PTPRD: variants seen among roughly 807,000 people sequenced by gnomAD.
PTPRD encodes the protein protein tyrosine phosphatase receptor type D, also known as receptor-type tyrosine-protein phosphatase delta.
Under a neutral mutation model 214.5 loss-of-function variants are expected in PTPRD, and 34 were observed. That is an observed-to-expected ratio of 0.16 (90% CI 0.12 to 0.21). The LOEUF is 0.21. PTPRD is among the 10% of genes least tolerant of loss of function. The pLI is 1.00. For synonymous variants in PTPRD, 1,128 were observed against 845.7 expected (o/e 1.33, Z -5.79); for missense variants, 2,545 against 2,398.7 (o/e 1.06, Z -1.27).
intron 5 of PTPRD, among the ~76,000 whole-genome samples, chr9:9,872,335 C>A (rs1382943641): frequency 2.0e-5 from 3 of 152,162 alleles, no homozygotes; most frequent in Non-Finnish European, 4.4e-5. Flanking sequence ...AATGGAGACT[C>A]ATGGCTGTAA....
chr9:8,543,438 T>C (rs779824520), intron 14 of PTPRD, among the ~76,000 whole-genome samples: 47 of 152,194 alleles, frequency 3.1e-4, no homozygotes, highest in Non-Finnish European at 3.1e-4. Flanking sequence ...TCAGTGATGA[T>C]GGCTATGAGG....
intron 8 of PTPRD, among the ~76,000 whole-genome samples, chr9:9,546,871 A>G (rs1252987502): frequency 6.6e-6 from 1 of 151,890 alleles, no homozygotes; most frequent in Non-Finnish European, 1.5e-5. Context: ...CTAAAAGAGC[A>G]TTAAAACCAC....
chr9:10,355,617 T>G (rs1177330211), intron 2 of PTPRD, among the ~76,000 whole-genome samples: 5 of 152,122 alleles, frequency 3.3e-5, no homozygotes, highest in African/African-American at 9.6e-5. Context: ...TAGCTGGGAT[T>G]ACAGGCATGC....
chr9:9,764,377 C>A (rs2098689309), intron 6 of PTPRD, among the ~76,000 whole-genome samples: 1 of 152,146 alleles, frequency 6.6e-6, no homozygotes, highest in Non-Finnish European at 1.5e-5. Flanking sequence ...ACACACAAAT[C>A]TTTAAAAAAT....
intron 33 of PTPRD, among the ~76,000 whole-genome samples, chr9:8,458,230 A>G (rs117668710): frequency 0.021 from 3,252 of 152,238 alleles, 56 homozygotes; most frequent in Non-Finnish European, 0.034. Flanking sequence ...GATTAGGAAA[A>G]ATTATAAGTG....
intron 7 of PTPRD, among the ~76,000 whole-genome samples, chr9:9,622,273 C>G (rs1022976150): frequency 6.6e-6 from 1 of 152,054 alleles, no homozygotes; most frequent in Non-Finnish European, 1.5e-5. Context: ...GGGTTATTTT[C>G]TGCTTTTCCT....
At chr9:9,076,623 A>G (rs2099751630) in intron 10 of PTPRD, among the ~76,000 whole-genome samples, 1 of 152,046 alleles carries the variant, frequency 6.6e-6, no homozygotes, top group Non-Finnish European at 1.5e-5. Flanking sequence ...GTTGCAAATG[A>G]CAGGATCTCA....
In PTPRD at chr9:8,667,805, G is replaced by C. The variant is rs1596455737; in HGVS notation, c.65-30961C>G. ...AAATCCAAAATCTGAAACACTTTTG[G>C]TCCCGATCATTTCAGATAAGAAATA... On this transcript the variant is annotated intron_variant, in intron 12 of 45. Coordinates refer to ENST00000381196, the MANE Select transcript of PTPRD (RefSeq NM_002839.4). Among the ~76,000 whole-genome samples, 4 of 151,852 alleles carry C rather than the reference G, an allele frequency of 2.6e-5. No homozygotes were observed. In the East Asian group the frequency reaches 5.8e-4, roughly 22 times the overall value.
intron 2 of PTPRD, among the ~76,000 whole-genome samples, chr9:10,406,374 C>G (rs543180114): frequency 6.6e-6 from 1 of 151,354 alleles, no homozygotes; most frequent in African/African-American, 2.4e-5. Context: ...GAATAACAAA[C>G]GAAAATTGAA....
chr9:9,795,536 T>A (rs922322620), intron 5 of PTPRD, among the ~76,000 whole-genome samples: 4 of 152,194 alleles, frequency 2.6e-5, no homozygotes, highest in Non-Finnish European at 5.9e-5. Flanking sequence ...TAGTATTGTG[T>A]TATCATTGAT....
chr9:10,419,665 C>T (rs2098527910), intron 2 of PTPRD, among the ~76,000 whole-genome samples: 1 of 151,636 alleles, frequency 6.6e-6, no homozygotes, highest in South Asian at 2.1e-4. Flanking sequence ...AGTCTGATCT[C>T]TTGGTTGTCT....
chr9:9,691,845 T>G (rs1410115495), intron 7 of PTPRD, among the ~76,000 whole-genome samples: 1 of 152,102 alleles, frequency 6.6e-6, no homozygotes, highest in East Asian at 1.9e-4. Flanking sequence ...TATCTCATTG[T>G]AGTTTTGATT....
intron 14 of PTPRD, among the ~76,000 whole-genome samples, chr9:8,610,876 C>A (rs555690886): frequency 6.6e-6 from 1 of 152,296 alleles, no homozygotes; most frequent in South Asian, 2.1e-4. Context: ...CAACAACAAG[C>A]CCCAGAAAAA....
chr9:9,019,007 CT>C (rs1374894300), intron 10 of PTPRD, among the ~76,000 whole-genome samples: 21 of 152,096 alleles, frequency 1.4e-4, no homozygotes, highest in African/African-American at 5.1e-4. Context: ...AATGTATCCC[CT>C]AATCAAAATT....
chr9:9,388,498 G>T (rs1010400832), intron 9 of PTPRD, among the ~76,000 whole-genome samples: 4 of 152,046 alleles, frequency 2.6e-5, no homozygotes, highest in Non-Finnish European at 4.4e-5. Flanking sequence ...CATGAACTAG[G>T]ACTGTCCAAG....
chr9:9,508,997 G>T (rs1590196047), intron 8 of PTPRD, among the ~76,000 whole-genome samples: 1 of 151,336 alleles, frequency 6.6e-6, no homozygotes, highest in African/African-American at 2.4e-5. Context: ...TTGTCCAACT[G>T]TTATTGCATT....
chr9:9,740,968 C>G (rs1249404995), intron 6 of PTPRD, among the ~76,000 whole-genome samples: 1 of 151,964 alleles, frequency 6.6e-6, no homozygotes, highest in Admixed American at 6.6e-5. Context: ...AGATATAACC[C>G]AACATTGGAA....
At chr9:8,904,044 A>C (rs2098690843) in intron 11 of PTPRD, among the ~76,000 whole-genome samples, 2 of 152,186 alleles carry the variant, frequency 1.3e-5, no homozygotes, top group Admixed American at 1.3e-4. Context: ...AAAAATTTCA[A>C]ATTTACAAAA....
At chr9:8,465,782 A>G in intron 31 of PTPRD, 107 bp from the exon 32 acceptor site, 1 of 850,148 alleles carries the variant, frequency 1.2e-6, no homozygotes, top group Non-Finnish European at 1.8e-6. Context: ...CCCAAATGCA[A>G]TTTGTTCACA....
Sources: gnomAD v4.1 joint callset for allele counts (sites outside exome capture counted in the v4.1 genomes callset) on GRCh38, gnomAD v4.1.1 for gene constraint, MANE v1.5 for transcripts, NCBI Gene and HGNC (gene_info 2026-07-23, HGNC 2026-07-21) for gene names.